Variants in KDM7A observed in about 807,000 individuals in gnomAD.
The protein encoded by KDM7A is lysine demethylase 7A, also known as lysine-specific demethylase 7A.
Under a neutral mutation model 114.8 loss-of-function variants are expected in KDM7A, and 28 were observed. The ratio of observed to expected loss-of-function variants is 0.24; its 90% confidence interval spans 0.18 to 0.33. The LOEUF (loss-of-function observed/expected upper bound fraction) is 0.33, where lower values mean the gene tolerates loss of function less well. Ranked by LOEUF, KDM7A falls within the 10% of genes least tolerant of loss-of-function variation. The pLI, the probability that KDM7A is intolerant of heterozygous loss-of-function variation, is 1.00. For synonymous variants in KDM7A, 423 were observed against 397.8 expected (o/e 1.06, Z -0.75); for missense variants, 942 against 1,142.5 (o/e 0.82, Z 2.53).
intron 1 of KDM7A, among the ~76,000 whole-genome samples, chr7:140,139,715 C>T (rs1168725321): frequency 6.6e-6 from 1 of 151,960 alleles, no homozygotes; most frequent in Non-Finnish European, 1.5e-5. Context: ...GAAAAATAAA[C>T]AGCAGAAATC....
chr7:140,088,724 A>C lies in KDM7A; in HGVS notation c.*2370T>G. ...AGTTTTCTAACTTAGCCACTTATTA[A>C]GGGGCTAAAACTACTAAAAATGAAT... is the stretch of plus-strand genomic sequence containing the variant. On this transcript the variant is annotated 3_prime_UTR_variant, in exon 20 of 20. Transcript: ENST00000397560. 2.6e-6 allele frequency: 1 copy of C among 386,622 alleles called. No homozygotes were observed. Among genetic ancestry groups the C allele is most frequent in the Non-Finnish European group, 4.6e-6 (1 of 218,732 alleles). 23.9% of individuals were successfully genotyped at this position (386,622 alleles called of 1,614,324 possible). A position where few individuals can be genotyped will look rare whatever the true frequency, so the allele number is the denominator to read the frequency against.
In KDM7A at chr7:140,091,843, C is replaced by T; in HGVS notation, c.2692G>A (p.Ala898Thr). ...TTGCTGATAGGTGGTGGATTTGATG[C>T]CGGTCTCTTGGTGGGGTGAAGGGGC... is the stretch of plus-strand genomic sequence containing the variant. ...SVPLHPTKRP[A>T]SNPPPISNQA... is the part of the protein sequence containing the mutation. The change falls in exon 19 of 20, where the codon GCA becomes ACA. Residue 898 changes from alanine to threonine, a missense_variant. Ala to Thr is a moderately conservative substitution (Grantham distance 58). Around this residue, in one of 4 missense-constraint regions of KDM7A, gnomAD observed 512 missense variants for 576.6 expected, o/e 0.89. Transcript: ENST00000397560. The T allele has an allele frequency of 6.2e-7, 1 of 1,612,462 alleles. No individual in the cohort carries two copies. Among genetic ancestry groups the T allele is most frequent in the Non-Finnish European group, 8.5e-7 (1 of 1,179,592 alleles).
intron 12 of KDM7A, among the ~76,000 whole-genome samples, chr7:140,101,635 G>GA (rs1242336086): frequency 6.6e-6 from 1 of 152,108 alleles, no homozygotes; most frequent in Non-Finnish European, 1.5e-5. Context: ...CTTGAACTAG[G>GA]ATGGAAGCTT....
At chr7:140,173,981 T>C (rs916700055) in intron 1 of KDM7A, among the ~76,000 whole-genome samples, 4 of 151,982 alleles carry the variant, frequency 2.6e-5, no homozygotes, top group African/African-American at 9.7e-5. Flanking sequence ...GTAGCCAACA[T>C]GGTGAAATCC....
At chr7:140,172,294 ATAAT>A (rs560730582) in intron 1 of KDM7A, among the ~76,000 whole-genome samples, 64 of 152,360 alleles carry the variant, frequency 4.2e-4, no homozygotes, top group Admixed American at 1.4e-3. Flanking sequence ...TTCTAAGGAA[ATAAT>A]TAAATAACCA....
rs575528321 is a variant in KDM7A at position 140,159,962 on chromosome 7, A to C, written c.194+16782T>G. On this transcript the variant is annotated intron_variant, in intron 1 of 19. Transcript: ENST00000397560. ...ACTTCCATTAAAAAAAAAAAAAAAAAAAACCTGTACCCTTTCTCTGTGTCT... is the reference window on the plus strand; with the variant it reads ...ACTTCCATTAAAAAAAAAAAAAAAACAAACCTGTACCCTTTCTCTGTGTCT... Among the ~76,000 whole-genome samples, 670 of 151,706 alleles carry C rather than the reference A, an allele frequency of 4.4e-3. 8 individuals are homozygous for C. The highest frequency in any genetic ancestry group is 0.015 in the African/African-American group (612 of 41,368).
At chr7:140,100,903 G>C (rs974953770) in intron 12 of KDM7A, among the ~76,000 whole-genome samples, 96 of 151,042 alleles carry the variant, frequency 6.4e-4, no homozygotes, top group Non-Finnish European at 1.0e-3. Context: ...TGGAACTACA[G>C]GCACCCGCCA....
rs374539076 is a variant in KDM7A, at chr7:140,148,993, G to A, written c.195-9803C>T. Among the ~76,000 whole-genome samples, 21 of 152,090 alleles carry A rather than the reference G, an allele frequency of 1.4e-4. No individual in the cohort carries two copies. In the East Asian group the frequency reaches 2.9e-3, roughly 21 times the overall value. On this transcript the variant is annotated intron_variant, in intron 1 of 19. Transcript: ENST00000397560. Reference sequence around the variant, plus strand: ...CCTTTGGTTCACAATCATCTCTTAAGGTTCACTTATGGTTCACTTTTCCTA... The same window carrying A: ...CCTTTGGTTCACAATCATCTCTTAAAGTTCACTTATGGTTCACTTTTCCTA...
chr7:140,124,227 G>A (rs1162090499), intron 7 of KDM7A, among the ~76,000 whole-genome samples: 3 of 152,018 alleles, frequency 2.0e-5, no homozygotes, highest in Non-Finnish European at 1.5e-5. Context: ...CAGTGGAGGC[G>A]GGAATGGGAA....
At chr7:140,125,612 G>A (rs1818686537) in intron 6 of KDM7A, among the ~76,000 whole-genome samples, 1 of 152,340 alleles carries the variant, frequency 6.6e-6, no homozygotes, top group African/African-American at 2.4e-5. Flanking sequence ...TGTTGCCCAG[G>A]CTGGAGTGCA....
chr7:140,102,413 A>G (rs1470646157), intron 11 of KDM7A, among the ~76,000 whole-genome samples: 1 of 148,884 alleles, frequency 6.7e-6, no homozygotes, highest in Non-Finnish European at 1.5e-5. Flanking sequence ...CGCTCTTGTC[A>G]CCCAGGCTGC....
chr7:140,143,498 C>T (rs927866531), intron 1 of KDM7A, among the ~76,000 whole-genome samples: 1 of 152,058 alleles, frequency 6.6e-6, no homozygotes, highest in Non-Finnish European at 1.5e-5. Context: ...TAAAAATACA[C>T]AACACAATAC....
Position 140,091,171 on chromosome 7 carries a change from C to CT in KDM7A, c.2748dup (p.Gly917ArgfsTer14). On this transcript the variant is annotated frameshift_variant, in exon 20 of 20. Transcript: ENST00000397560. LOFTEE classifies it high-confidence loss of function. The stretch of plus-strand genomic sequence containing the variant: ...AGACGTTGTTTGGCTGTTGCCATTC[C>CT]TTTTTTTGGACGTTTACCTATAAAA... 1.2e-6 allele frequency: 2 copies of CT among 1,613,402 alleles called. No homozygotes were observed. The highest frequency in any genetic ancestry group is 1.7e-6 in the Non-Finnish European group (2 of 1,179,348).
At chr7:140,100,673 T>TACAC (rs1562945869) in intron 12 of KDM7A, among the ~76,000 whole-genome samples, 8 of 39,546 alleles carry the variant, frequency 2.0e-4, no homozygotes, top group South Asian at 7.1e-4. Context: ...TATATATATA[T>TACAC]ATATATACAT....
Position 140,127,524 on chromosome 7 carries a change from G to C in KDM7A, c.619C>G (p.Leu207Val). 6.2e-7 allele frequency: 1 copy of C among 1,613,534 alleles called. No individual in the cohort carries two copies. Among genetic ancestry groups the C allele is most frequent in the Non-Finnish European group, 8.5e-7 (1 of 1,179,522 alleles). ...VARQADSKMT[L>V]HNYVKYFMNP... ...ATGAAGTATTTAACATAATTGTGAA[G>C]TGTCATTTTGCTGTCTGCCTGCCTC... The change falls in exon 5 of 20, where the codon CTT becomes GTT. Residue 207 changes from leucine to valine, a missense_variant. By Grantham distance (32) the Leu-to-Val change is conservative (BLOSUM62 1). Transcript: ENST00000397560.
At chr7:140,160,419 G>C (rs1162189979) in intron 1 of KDM7A, among the ~76,000 whole-genome samples, 2 of 152,218 alleles carry the variant, frequency 1.3e-5, no homozygotes, top group Non-Finnish European at 2.9e-5. Context: ...GTCTGAGGTG[G>C]TGACTGAATC....
At position 140,133,548 on chromosome 7, in the gene KDM7A, A is replaced by G; in HGVS notation, c.389T>C (p.Val130Ala). Residue 130 changes from valine to alanine, a missense_variant, in exon 3 of 20, where the codon GTC becomes GCC. Val to Ala is a moderately conservative substitution (Grantham distance 64). This residue lies in a region of KDM7A where 318 missense variants were observed against 453.1 expected (regional missense o/e 0.70). Transcript: ENST00000397560. ...RTFIKELRSRVFPSADEIIIK... is the reference protein window; with the variant it reads ...RTFIKELRSRAFPSADEIIIK... Reference sequence around the variant, plus strand: ...GAGTAAGTTTCCATACCTTGGGAAGACTCGAGAGCGTAATTCCTTAATGAA... The same window carrying G: ...GAGTAAGTTTCCATACCTTGGGAAGGCTCGAGAGCGTAATTCCTTAATGAA... The G allele has an allele frequency of 6.4e-7, 1 of 1,572,524 alleles. No homozygotes were observed.
At chr7:140,110,905 G>A (rs1286256150) in intron 11 of KDM7A, among the ~76,000 whole-genome samples, 190 bp downstream of exon 11, 2 of 152,004 alleles carry the variant, frequency 1.3e-5, no homozygotes, top group Non-Finnish European at 1.5e-5. Context: ...GAATTCATTA[G>A]AATACAATAT....
chr7:140,095,690 C>T (rs1447113544), intron 17 of KDM7A: 2 of 263,156 alleles, frequency 7.6e-6, no homozygotes, highest in Admixed American at 4.7e-5. Context: ...CCAGTCTGGG[C>T]AACATAGGTG....
Sources: gnomAD v4.1 joint callset for allele counts (sites outside exome capture counted in the v4.1 genomes callset) on GRCh38, gnomAD v4.1.1 for gene constraint, gnomAD v4.1.1 regional missense constraint, MANE v1.5 for transcripts, NCBI Gene and HGNC (gene_info 2026-07-23, HGNC 2026-07-21) for gene names.